Variants in NEDD4 observed in about 807,000 individuals in gnomAD.
NEDD4 encodes E3 ubiquitin-protein ligase NEDD4.
Under a neutral mutation model 144.9 loss-of-function variants are expected in NEDD4, and 99 were observed. The observed-to-expected ratio is 0.68, with a 90% CI of 0.58 to 0.81. NEDD4 has a LOEUF of 0.81. Among genes scored for constraint, NEDD4 ranks in the 30% least tolerant of loss-of-function variants. The pLI is 0.00. For missense variants in NEDD4, 985 were observed against 1,065.9 expected (o/e 0.92, Z 1.06); for synonymous variants, 318 against 350.6 (o/e 0.91, Z 1.04).
At chr15:55,882,898 T>C (rs149837013) in intron 5 of NEDD4, among the ~76,000 whole-genome samples, 15 of 152,244 alleles carry the variant, frequency 9.9e-5, no homozygotes, top group African/African-American at 2.6e-4. Context: ...AGTAACCAGA[T>C]AGTATACATC....
chr15:55,950,946 T>G (rs2037227663), intron 4 of NEDD4, among the ~76,000 whole-genome samples: 3 of 152,168 alleles, frequency 2.0e-5, no homozygotes, highest in South Asian at 2.1e-4. Flanking sequence ...AAATAACTGC[T>G]GATTGGAATT....
intron 5 of NEDD4, chr15:55,915,897 C>T (rs760080515): frequency 1.2e-6 from 2 of 1,613,950 alleles, no homozygotes; most frequent in Non-Finnish European, 1.7e-6. Context: ...AGCACTAGTG[C>T]CATCCTCATT....
At chr15:55,870,529 C>CTTTTTTTTTTT (rs58174546) in intron 7 of NEDD4, among the ~76,000 whole-genome samples, 1 of 117,420 alleles carries the variant, frequency 8.5e-6, no homozygotes, top group Non-Finnish European at 1.8e-5. Flanking sequence ...TCTTCTTCTT[C>CTTTTTTTTTTT]TTTTTTTTTT....
At chr15:55,922,399 G>A (rs973446641) in intron 5 of NEDD4, among the ~76,000 whole-genome samples, 1 of 152,134 alleles carries the variant, frequency 6.6e-6, no homozygotes, top group Non-Finnish European at 1.5e-5. Context: ...TTTCGCTCTT[G>A]TCACCTAGGC....
intron 5 of NEDD4, among the ~76,000 whole-genome samples, chr15:55,880,997 C>A (rs755998430): frequency 6.6e-6 from 1 of 152,054 alleles, no homozygotes; most frequent in South Asian, 2.1e-4. Flanking sequence ...AAAAGGAGTA[C>A]GGTTGGAGTC....
intron 1 of NEDD4, among the ~76,000 whole-genome samples, chr15:55,967,365 T>A (rs530818229): frequency 6.6e-6 from 1 of 152,034 alleles, no homozygotes; most frequent in East Asian, 1.9e-4. Flanking sequence ...ATTGAAGTGC[T>A]TAGGAATAAA....
At chr15:55,915,768 A>C in intron 5 of NEDD4, 1 of 1,613,760 alleles carries the variant, frequency 6.2e-7, no homozygotes, top group Non-Finnish European at 8.5e-7. Context: ...ATTCGAAAGA[A>C]CAATTTTCTT....
chr15:55,867,306 T>C (rs978406619), intron 8 of NEDD4, among the ~76,000 whole-genome samples: 1 of 152,132 alleles, frequency 6.6e-6, no homozygotes, highest in African/African-American at 2.4e-5. Flanking sequence ...GGGCCTTTCA[T>C]AAATAAACTC....
rs535651268 is a variant in NEDD4 at position 55,895,180 on chromosome 15, T to C, written c.292-21172A>G. 3.3e-5 allele frequency among the ~76,000 whole-genome samples: 5 copies of C among 152,286 alleles called. No individual in the cohort carries two copies. The South Asian group carries it at 6.2e-4, about 19-fold the overall frequency. On this transcript the variant is annotated intron_variant, in intron 5 of 28. Transcript: ENST00000435532. ...AAAAGTATTCACTCTCGACTGAAAA[T>C]AGAGATTCACACTTCTGAGCACTAA...
intron 11 of NEDD4, among the ~76,000 whole-genome samples, chr15:55,858,748 A>G (rs2034291440): frequency 6.6e-6 from 1 of 152,240 alleles, no homozygotes; most frequent in South Asian, 2.1e-4. Context: ...ATATTCACGT[A>G]CAACTATCTA....
Position 55,849,026 on chromosome 15 carries a change from A to T in NEDD4, c.1348-140T>A. 4.5e-6 allele frequency: 3 copies of T among 664,896 alleles called. No individual in the cohort carries two copies. The South Asian group carries it at 5.6e-5, about 12-fold the overall frequency. 41.2% of individuals were successfully genotyped at this position (664,896 alleles called of 1,614,324 possible). A position where few individuals can be genotyped will look rare whatever the true frequency, so the allele number is the denominator to read the frequency against. On this transcript the variant is annotated intron_variant, in intron 14 of 28. Transcript: ENST00000435532. ...TCAATTTATACTTTATTTCCTAAAT[A>T]TGTGACACAATATTTTCTCCTTCTA...
intron 9 of NEDD4, among the ~76,000 whole-genome samples, chr15:55,862,437 C>A (rs16976600): frequency 3.3e-5 from 5 of 151,924 alleles, no homozygotes; most frequent in Admixed American, 6.6e-5. Context: ...TTGATCTGTG[C>A]GTGCTGGAAG....
intron 1 of NEDD4, among the ~76,000 whole-genome samples, chr15:55,987,046 C>T (rs574313959): frequency 6.3e-5 from 9 of 143,396 alleles, no homozygotes; most frequent in African/African-American, 1.0e-4. Flanking sequence ...GGAATCGCCA[C>T]ACTGACTTCC....
At chr15:55,836,242 T>C (rs911621132) in intron 24 of NEDD4, among the ~76,000 whole-genome samples, 3 of 152,042 alleles carry the variant, frequency 2.0e-5, no homozygotes, top group Admixed American at 6.6e-5. Flanking sequence ...CTTTACATCA[T>C]ACATACCTTA....
intron 18 of NEDD4, among the ~76,000 whole-genome samples, chr15:55,843,408 T>C (rs145292427): frequency 6.6e-6 from 1 of 152,366 alleles, no homozygotes; most frequent in African/African-American, 2.4e-5. Flanking sequence ...TCTTAATTAA[T>C]GGAGCTACAT....
chr15:55,980,791 G>GA (rs879413397), intron 1 of NEDD4, among the ~76,000 whole-genome samples: 70 of 148,222 alleles, frequency 4.7e-4, no homozygotes, highest in East Asian at 1.8e-3. Flanking sequence ...TGTGTGTGTA[G>GA]GGGTGTGTGT....
At chr15:55,939,650 C>T (rs1301585315) in intron 4 of NEDD4, among the ~76,000 whole-genome samples, 1 of 152,096 alleles carries the variant, frequency 6.6e-6, no homozygotes, top group African/African-American at 2.4e-5. Context: ...AAAACCACAC[C>T]TGTTAGGATG....
intron 8 of NEDD4, among the ~76,000 whole-genome samples, chr15:55,863,835 G>C (rs1456169674): frequency 6.6e-6 from 1 of 152,110 alleles, no homozygotes; most frequent in Non-Finnish European, 1.5e-5. Flanking sequence ...ATTTGATAAA[G>C]GTCAAATATA....
At chr15:55,923,841 A>T (rs544361993) in intron 5 of NEDD4, among the ~76,000 whole-genome samples, 31 of 150,716 alleles carry the variant, frequency 2.1e-4, no homozygotes, top group African/African-American at 5.8e-4. Context: ...TTTTTTTTAA[A>T]AAAAAAGCTA....
Sources: allele counts gnomAD v4.1 joint callset (sites outside exome capture counted in the v4.1 genomes callset), GRCh38; gene constraint gnomAD v4.1.1; transcripts MANE v1.5; gene names NCBI Gene and HGNC (gene_info 2026-07-23, HGNC 2026-07-21).